The following USP26 variants were observed in gnomAD, a reference collection of about 807,000 sequenced individuals.
The protein encoded by USP26 is ubiquitin carboxyl-terminal hydrolase 26.
For missense variants in USP26, 649 were observed against 642.3 expected (o/e 1.01, Z -0.11); for synonymous variants, 236 against 240.6 (o/e 0.98, Z 0.18).
intron 5 of USP26, among the ~76,000 whole-genome samples, chrX:133,032,078 A>G: frequency 9.0e-6 from 1 of 111,326 alleles, no homozygotes; most frequent in East Asian, 2.8e-4. Context: ...GAACCTGGGA[A>G]ACGGAGGTTG....
At chrX:133,054,608 A>G (rs915610946) in intron 5 of USP26, among the ~76,000 whole-genome samples, 10 of 111,548 alleles carry the variant, frequency 9.0e-5, no homozygotes, top group African/African-American at 3.3e-4. Flanking sequence ...GCCCTTTCCA[A>G]GCTTCTGATG....
chrX:133,027,697 T>C lies in USP26; in HGVS notation c.524A>G (p.Asn175Ser). 1 of 1,209,322 alleles carries C rather than the reference T, an allele frequency of 8.3e-7. No homozygotes were observed. Among genetic ancestry groups the C allele is most frequent in the South Asian group, 1.8e-5 (1 of 56,683 alleles). The change falls in exon 6 of 6, where the codon AAT (asparagine) becomes AGT (serine). Residue 175 changes from asparagine (N) to serine (S), a missense_variant. Physicochemically the swap from Asn to Ser is conservative, Grantham distance 46. Transcript: ENST00000511190. Reference sequence around the variant, plus strand: ...CATTCTTTTCCTCTTCTTGTGCTGATTTTCTGATAACTCTCCGCAAGTAAG... The same window carrying C: ...CATTCTTTTCCTCTTCTTGTGCTGACTTTCTGATAACTCTCCGCAAGTAAG... ...LTLTCGELSE[N>S]QHKKRKRMLS...
At chrX:133,062,548 G>A (rs1011923850) in intron 5 of USP26, among the ~76,000 whole-genome samples, 2 of 112,142 alleles carry the variant, frequency 1.8e-5, no homozygotes, top group Admixed American at 1.9e-4. Flanking sequence ...CTGGGATGAA[G>A]CTTCCAGAGG....
At chrX:133,046,479 C>T (rs865783151) in intron 5 of USP26, among the ~76,000 whole-genome samples, 3 of 111,645 alleles carry the variant, frequency 2.7e-5, no homozygotes, top group African/African-American at 6.5e-5. Flanking sequence ...AAAACTTGTC[C>T]TGAGATATCC....
intron 5 of USP26, among the ~76,000 whole-genome samples, chrX:133,061,755 C>T (rs1167969809): frequency 9.0e-6 from 1 of 111,658 alleles, no homozygotes. Context: ...GCTATCCAGC[C>T]TAGACACTAC....
At chrX:133,063,975 C>T (rs969619390) in intron 5 of USP26, among the ~76,000 whole-genome samples, 1 of 112,085 alleles carries the variant, frequency 8.9e-6, no homozygotes, top group African/African-American at 3.2e-5. Context: ...ATGCTGTAAT[C>T]AGAAGACCTA....
At chrX:133,059,868 A>G in intron 5 of USP26, among the ~76,000 whole-genome samples, 1 of 112,180 alleles carries the variant, frequency 8.9e-6, no homozygotes, top group East Asian at 2.8e-4. Flanking sequence ...AAAGGAATGA[A>G]TGATCTCAGA....
At chrX:133,053,924 C>G (rs752141083) in intron 5 of USP26, among the ~76,000 whole-genome samples, 1 of 111,692 alleles carries the variant, frequency 9.0e-6, no homozygotes, top group South Asian at 3.8e-4. Flanking sequence ...TTGGGCTAAG[C>G]CTTTTTACTC....
chrX:133,072,557 TG>T (rs2067533918), intron 5 of USP26, among the ~76,000 whole-genome samples: 1 of 112,638 alleles, frequency 8.9e-6, no homozygotes, highest in Non-Finnish European at 1.9e-5. Context: ...GTGATAGCAC[TG>T]TGCATTTGAA....
chrX:133,037,704 A>G (rs1602970625), intron 5 of USP26, among the ~76,000 whole-genome samples: 1 of 111,854 alleles, frequency 8.9e-6, no homozygotes, highest in East Asian at 2.8e-4. Flanking sequence ...TTTTCTAGTT[A>G]TGTGAAAAAC....
chrX:133,034,311 C>T (rs778281191), intron 5 of USP26, among the ~76,000 whole-genome samples: 1 of 111,436 alleles, frequency 9.0e-6, no homozygotes, highest in East Asian at 2.8e-4. Context: ...CTTAACTTTC[C>T]TGAGGAAAAC....
At chrX:133,077,404 T>C (rs1029630594) in intron 5 of USP26, among the ~76,000 whole-genome samples, 3 of 111,978 alleles carry the variant, frequency 2.7e-5, no homozygotes, top group Non-Finnish European at 5.6e-5. Flanking sequence ...GTATACAGCA[T>C]GATGAATTTT....
Position 133,023,714 on chromosome X carries a change from CTG to C in USP26, c.*1763_*1764del, listed in dbSNP as rs1052765156. 7.2e-5 allele frequency among the ~76,000 whole-genome samples: 8 copies of C among 111,821 alleles called. No homozygotes were observed. Among genetic ancestry groups the C allele is most frequent in the Non-Finnish European group, 1.5e-4 (8 of 53,186 alleles). ...CTCATAAGACCTCCTTCTAGATAAA[CTG>C]TGTTCTGAATACAATCTCCAAACTT... is the stretch of plus-strand genomic sequence containing the variant. On this transcript the variant is annotated 3_prime_UTR_variant, in exon 6 of 6. Transcript: ENST00000511190.
Position 133,026,831 on chromosome X carries a change from G to A in USP26, c.1390C>T (p.Leu464Phe). Residue 464 changes from leucine to phenylalanine, a missense_variant, in exon 6 of 6, where the codon CTC becomes TTC. By Grantham distance (22) the Leu-to-Phe change is conservative. Coordinates refer to ENST00000511190, the MANE Select transcript of USP26 (RefSeq NM_031907.3). ...ATTCTTTGGGGAAGGTTGATGGAGA[G>A]GTAATTATTCAGTTCTGTCTTGAGA... ...VILKTELNNYLSINLPQRIKA... is the reference protein window; with the variant it reads ...VILKTELNNYFSINLPQRIKA... The A allele has an allele frequency of 1.7e-6, 2 of 1,210,941 alleles. No individual in the cohort carries two copies. The highest frequency in any genetic ancestry group is 2.2e-5 in the Admixed American group (1 of 45,954).
intron 1 of USP26, among the ~76,000 whole-genome samples, chrX:133,092,689 A>T (rs1333047612): frequency 2.7e-5 from 3 of 111,722 alleles, no homozygotes; most frequent in South Asian, 7.5e-4. Context: ...CTGGATCTAA[A>T]TTCTAAATTC....
intron 5 of USP26, among the ~76,000 whole-genome samples, chrX:133,061,961 C>T (rs1210565818): frequency 9.1e-6 from 1 of 110,485 alleles, no homozygotes; most frequent in African/African-American, 3.3e-5. Context: ...AAAGTTCCCT[C>T]CCCACTCAGC....
intron 1 of USP26, among the ~76,000 whole-genome samples, chrX:133,092,302 T>C (rs1412488805): frequency 1.8e-5 from 2 of 111,988 alleles, no homozygotes; most frequent in African/African-American, 3.2e-5. Context: ...TGTCAGTTGA[T>C]TGTATTCATT....
chrX:133,070,608 T>G (rs1202901647), intron 5 of USP26, among the ~76,000 whole-genome samples: 1 of 112,018 alleles, frequency 8.9e-6, no homozygotes, highest in Non-Finnish European at 1.9e-5. Context: ...TCTGATGTGT[T>G]TAATGTGAGT....
At chrX:133,077,189 C>A (rs1424556458) in intron 5 of USP26, among the ~76,000 whole-genome samples, 1 of 111,819 alleles carries the variant, frequency 8.9e-6, no homozygotes, top group South Asian at 3.8e-4. Context: ...AGTGTCAGAA[C>A]CATTAGAAGG....
Sources: gnomAD v4.1 joint callset for allele counts (sites outside exome capture counted in the v4.1 genomes callset) on GRCh38, gnomAD v4.1.1 for gene constraint, MANE v1.5 for transcripts, NCBI Gene and HGNC (gene_info 2026-07-23, HGNC 2026-07-21) for gene names.